SPHKAP: variants seen among roughly 807,000 people sequenced by gnomAD.
SPHKAP encodes the protein A-kinase anchor protein SPHKAP.
In SPHKAP, 67 loss-of-function variants were observed where a neutral mutation model predicts 137.5. That is an observed-to-expected ratio of 0.49 (90% confidence interval 0.40 to 0.60). SPHKAP has a LOEUF of 0.60. Among genes scored for constraint, SPHKAP ranks in the 20% least tolerant of loss-of-function variants. The pLI is 0.00. For synonymous variants in SPHKAP, 813 were observed against 785.3 expected, an observed-to-expected ratio of 1.04 and a Z score of -0.59; for missense variants, 2,097 against 2,069.3, an observed-to-expected ratio of 1.01 and a Z score of -0.26.
chr2:228,071,789 C>CTT (rs55755231), intron 3 of SPHKAP, among the ~76,000 whole-genome samples: 10 of 148,778 alleles, frequency 6.7e-5, no homozygotes, highest in African/African-American at 1.7e-4. Flanking sequence ...GCAATTCAAC[C>CTT]TTTTTTTTTT....
intron 3 of SPHKAP, among the ~76,000 whole-genome samples, chr2:228,044,108 C>CTAAA (rs1333899643): frequency 3.3e-5 from 5 of 152,162 alleles, no homozygotes; most frequent in African/African-American, 1.2e-4. Flanking sequence ...AACCAAACTA[C>CTAAA]TAAATAACTC....
intron 3 of SPHKAP, among the ~76,000 whole-genome samples, chr2:228,067,179 G>A (rs1379074138): frequency 6.6e-6 from 1 of 152,192 alleles, no homozygotes; most frequent in Admixed American, 6.5e-5. Context: ...GAAGTGAAAA[G>A]AACTGAGAAA....
chr2:227,991,163 G>T lies in SPHKAP; in HGVS notation c.4796C>A (p.Thr1599Lys). The change falls in exon 11 of 12, where the codon ACG (threonine) becomes AAG (lysine). Residue 1599 changes from threonine (T) to lysine (K), a missense_variant. Transcript: ENST00000392056. ...STEAPASGPP[T>K]GTASPQRSLL... is the part of the protein sequence containing the mutation. ...GCTCCTCTGGGGGCTGGCTGTTCCC[G>T]TAGGCGGTCCAGATGCAGGTGCTGA... is the stretch of plus-strand genomic sequence containing the variant. 1 of 1,614,034 alleles carries T rather than the reference G, an allele frequency of 6.2e-7. No homozygotes were observed.
chr2:228,108,950 C>A lies in SPHKAP; in HGVS notation c.139-11G>T. 6.4e-7 allele frequency: 1 copy of A among 1,557,522 alleles called. No homozygotes were observed. The highest frequency in any genetic ancestry group is 1.2e-5 in the South Asian group (1 of 83,710). ...ATTGCTGCGAAGAACCTGGAGGAAC[C>A]CAGAAAAACTCAGTTCTTATTCGGC... On this transcript the variant is annotated splice_polypyrimidine_tract_variant and intron_variant, in intron 2 of 11. Transcript: ENST00000392056.
intron 3 of SPHKAP, among the ~76,000 whole-genome samples, chr2:228,084,681 A>G (rs573674625): frequency 2.0e-4 from 30 of 152,298 alleles, no homozygotes; most frequent in Middle Eastern, 3.4e-3. Context: ...AACTTTCCCT[A>G]AGCAAATTAA....
intron 1 of SPHKAP, among the ~76,000 whole-genome samples, chr2:228,149,457 C>A (rs771966558): frequency 3.9e-5 from 6 of 152,120 alleles, no homozygotes; most frequent in Non-Finnish European, 8.8e-5. Flanking sequence ...GAATTCAATA[C>A]GATTTTACTG....
rs1325311039 is a variant in SPHKAP, at chr2:228,131,981, T to C, written c.137A>G (p.Lys46Arg). 3 of 1,613,930 alleles carry C rather than the reference T, an allele frequency of 1.9e-6. No homozygotes were observed. In the South Asian group the frequency reaches 3.3e-5, roughly 18 times the overall value. Residue 46 changes from lysine (K) to arginine (R), a missense_variant and splice_region_variant, in exon 2 of 12, where the codon AAG (lysine) becomes AGG (arginine). Transcript: ENST00000392056. ...GPGNSITACKKVLRSNSLLES... is the reference protein window; with the variant it reads ...GPGNSITACKRVLRSNSLLES... ...GAAAGTGGCGTAAGGCAAGGTTACCTTCTTACAGGCTGTGATGGAGTTCCC... is the reference window on the plus strand; with the variant it reads ...GAAAGTGGCGTAAGGCAAGGTTACCCTCTTACAGGCTGTGATGGAGTTCCC...
chr2:228,100,422 G>A lies in SPHKAP; in HGVS notation c.246+8410C>T, dbSNP rs533472765. 9.2e-5 allele frequency among the ~76,000 whole-genome samples: 14 copies of A among 152,232 alleles called. 1 individual carries two copies. In the South Asian group the frequency reaches 2.7e-3, roughly 29 times the overall value. On this transcript the variant is annotated intron_variant, in intron 3 of 11. Transcript: ENST00000392056. ...TCCTTGTCTTGTTTGTCTTGTTCCA[G>A]TTCTTAAGGGGAATGCTTCCAGCTC... is the stretch of plus-strand genomic sequence containing the variant.
intron 3 of SPHKAP, among the ~76,000 whole-genome samples, chr2:228,074,537 C>T (rs1198318867): frequency 6.6e-6 from 1 of 152,102 alleles, no homozygotes; most frequent in Admixed American, 6.5e-5. Flanking sequence ...CACTCACTAT[C>T]ACCAGAACAG....
rs546259042 is a variant in SPHKAP, at chr2:227,997,382, C to T, written c.4449-1688G>A. ...CCAACTGCTGTAGATTCCTGTTCCA[C>T]GACTTGTCACCTGTTCAACTTAAGT... On this transcript the variant is annotated intron_variant, in intron 7 of 11. Coordinates refer to ENST00000392056, the MANE Select transcript of SPHKAP (RefSeq NM_001142644.2). Among the ~76,000 whole-genome samples the T allele has an allele frequency of 7.9e-5, 12 of 152,230 alleles. No individual in the cohort carries two copies. The East Asian group carries it at 1.7e-3, about 22-fold the overall frequency.
At chr2:227,983,796 G>T (rs1693099059) in intron 11 of SPHKAP, among the ~76,000 whole-genome samples, 1 of 152,282 alleles carries the variant, frequency 6.6e-6, no homozygotes, top group Admixed American at 6.5e-5. Context: ...AAAATGACTG[G>T]AGGTTATAGA....
At chr2:228,133,805 T>C (rs1362714850) in intron 1 of SPHKAP, among the ~76,000 whole-genome samples, 1 of 152,250 alleles carries the variant, frequency 6.6e-6, no homozygotes, top group African/African-American at 2.4e-5. Context: ...CCTTTTGGCA[T>C]TTCCATTATT....
intron 1 of SPHKAP, among the ~76,000 whole-genome samples, chr2:228,147,158 G>A (rs1199395102): frequency 1.3e-5 from 2 of 152,204 alleles, no homozygotes; most frequent in South Asian, 4.1e-4. Context: ...ATTAGTCAGT[G>A]CTCCATAAAT....
intron 1 of SPHKAP, among the ~76,000 whole-genome samples, chr2:228,132,855 T>A (rs150196111): frequency 0.32 from 42,774 of 135,074 alleles, 7,536 homozygotes; most frequent in East Asian, 0.48. Flanking sequence ...AAAAAAAAAA[T>A]AAGCCAGGTG....
Position 228,170,768 on chromosome 2 carries a change from A to G in SPHKAP, c.32+10799T>C, listed in dbSNP as rs115056567. Among the ~76,000 whole-genome samples, 410 of 152,250 alleles carry G rather than the reference A, an allele frequency of 2.7e-3. 1 individual carries two copies. The highest frequency in any genetic ancestry group is 9.5e-3 in the African/African-American group (394 of 41,576). ...AAAAAATTTTGTGCCTTACTTCATT[A>G]TGATATTTACTTTATTGTATTTTTC... On this transcript the variant is annotated intron_variant, in intron 1 of 11. Transcript: ENST00000392056.
intron 3 of SPHKAP, among the ~76,000 whole-genome samples, chr2:228,089,399 G>A (rs566055179): frequency 6.6e-6 from 1 of 152,224 alleles, no homozygotes; most frequent in African/African-American, 2.4e-5. Flanking sequence ...AGATGCAGGG[G>A]CAAAGGAATG....
intron 1 of SPHKAP, among the ~76,000 whole-genome samples, chr2:228,162,719 A>G (rs1700310608): frequency 6.6e-6 from 1 of 151,994 alleles, no homozygotes; most frequent in Non-Finnish European, 1.5e-5. Context: ...ATTTTTTTAG[A>G]CGGAGTTTTA....
At chr2:228,148,679 T>C (rs1484570673) in intron 1 of SPHKAP, among the ~76,000 whole-genome samples, 2 of 151,890 alleles carry the variant, frequency 1.3e-5, no homozygotes, top group Non-Finnish European at 2.9e-5. Context: ...TGTCTCCTGG[T>C]GGGCAAGGCA....
At chr2:228,128,790 C>T (rs1005646579) in intron 2 of SPHKAP, among the ~76,000 whole-genome samples, 4 of 152,150 alleles carry the variant, frequency 2.6e-5, no homozygotes, top group African/African-American at 9.7e-5. Flanking sequence ...TGACCAGATT[C>T]ATTGTCAATG....
Sources: allele counts gnomAD v4.1 joint callset (sites outside exome capture counted in the v4.1 genomes callset), GRCh38; gene constraint gnomAD v4.1.1; transcripts MANE v1.5; gene names NCBI Gene and HGNC (gene_info 2026-07-23, HGNC 2026-07-21).